DENND10: variants seen among roughly 807,000 people sequenced by gnomAD.
The protein encoded by DENND10 is DENN domain containing 10.
DENND10 carries 24 observed loss-of-function variants against 43.6 expected under a neutral mutation model. The ratio of observed to expected loss-of-function variants is 0.55; its 90% CI spans 0.40 to 0.77. DENND10 has a LOEUF of 0.77. Among genes scored for constraint, DENND10 ranks in the 30% least tolerant of loss-of-function variants. The pLI is 0.00. For missense variants in DENND10, 303 were observed against 429.9 expected (o/e 0.70, Z 2.61); for synonymous variants, 125 against 157.6 (o/e 0.79, Z 1.55).
chr10:119,130,310 G>C (rs188546405), intron 7 of DENND10, among the ~76,000 whole-genome samples: 1 of 152,066 alleles, frequency 6.6e-6, no homozygotes, highest in African/African-American at 2.4e-5. Context: ...ACAGGCACCC[G>C]CCACCGCACC....
chr10:119,110,587 G>T (rs996088744), intron 2 of DENND10, among the ~76,000 whole-genome samples: 2 of 152,072 alleles, frequency 1.3e-5, no homozygotes, highest in Non-Finnish European at 2.9e-5. Context: ...CTCCCGAGTA[G>T]CTGGGATTAT....
intron 4 of DENND10, 62 bp from the exon 5 acceptor site, chr10:119,120,279 A>G: frequency 1.8e-6 from 2 of 1,086,150 alleles, no homozygotes; most frequent in South Asian, 2.8e-5. Context: ...AAAAGAAAAA[A>G]AAATCTTTAT....
intron 3 of DENND10, among the ~76,000 whole-genome samples, chr10:119,112,855 T>C (rs1168665201): frequency 6.6e-6 from 1 of 150,546 alleles, no homozygotes; most frequent in Non-Finnish European, 1.5e-5. Context: ...TTATTTATTA[T>C]GTTTTTTTTT....
rs1846120993 is a variant in DENND10, at chr10:119,132,240, G to A, written c.803-275G>A. Among the ~76,000 whole-genome samples, 1 of 152,196 alleles carries A rather than the reference G, an allele frequency of 6.6e-6. No individual in the cohort carries two copies. The highest frequency in any genetic ancestry group is 2.4e-5 in the African/African-American group (1 of 41,460). ...GAATTGTTCATTATGCTTTGTCTGGGAAGAAAAATAAAAATTTTGGTCAGG... is the reference window on the plus strand; with the variant it reads ...GAATTGTTCATTATGCTTTGTCTGGAAAGAAAAATAAAAATTTTGGTCAGG... On this transcript the variant is annotated intron_variant, in intron 7 of 8. Transcript: ENST00000361432. The surrounding 1 kb of genome is among the most constrained non-coding windows in gnomAD (Gnocchi z 4.2).
At chr10:119,109,866 G>A (rs10886385) in intron 2 of DENND10, among the ~76,000 whole-genome samples, 83,201 of 151,412 alleles carry the variant, frequency 0.55, 23,453 homozygotes, top group Middle Eastern at 0.69. Context: ...AGGCTGGAGT[G>A]CAATGGTGCA....
In DENND10 at chr10:119,137,399, T is replaced by C. The variant is rs1445000470; in HGVS notation, c.*752T>C. 2 of 158,722 alleles carry C rather than the reference T, an allele frequency of 1.3e-5. No individual in the cohort carries two copies. Among genetic ancestry groups the C allele is most frequent in the East Asian group, 2.0e-4 (1 of 5,042 alleles). The allele number at this position is 158,722 out of a possible 1,614,324, so 9.8% of individuals were successfully genotyped here. A position where few individuals can be genotyped will look rare whatever the true frequency, so the allele number is the denominator to read the frequency against. On this transcript the variant is annotated 3_prime_UTR_variant, in exon 9 of 9. Coordinates refer to ENST00000361432, the MANE Select transcript of DENND10 (RefSeq NM_207009.4). ...CTTATGTGATAAACTAAGAAGCCCA[T>C]TGAATATAAAAGTGTGTAGGACTGA... is the stretch of plus-strand genomic sequence containing the variant.
intron 1 of DENND10, 89 bp from the exon 2 acceptor site, chr10:119,107,879 C>A: frequency 8.2e-7 from 1 of 1,225,264 alleles, no homozygotes; most frequent in Non-Finnish European, 1.2e-6. Context: ...GATGTTAAAA[C>A]TGATTCCACT....
At chr10:119,113,379 G>A (rs1845075541) in intron 3 of DENND10, among the ~76,000 whole-genome samples, 1 of 151,320 alleles carries the variant, frequency 6.6e-6, no homozygotes, top group Admixed American at 6.6e-5. Flanking sequence ...TATATATTTT[G>A]TAGAAAGGTG....
At chr10:119,106,693 T>C (rs1275831353) in intron 1 of DENND10, among the ~76,000 whole-genome samples, 1 of 152,190 alleles carries the variant, frequency 6.6e-6, no homozygotes, top group Non-Finnish European at 1.5e-5. Context: ...GTTTGAAATA[T>C]TTCACTATTT....
At chr10:119,122,390 G>C (rs781023874) in intron 5 of DENND10, among the ~76,000 whole-genome samples, 1 of 152,154 alleles carries the variant, frequency 6.6e-6, no homozygotes, top group Admixed American at 6.6e-5. Flanking sequence ...CTACTTACAA[G>C]TTTGTTAAGA....
At position 119,108,015 on chromosome 10, in the gene DENND10, A is replaced by G; in HGVS notation, c.103A>G (p.Thr35Ala). ...TCTGTGGGTGTGGTGTTATCCTTCC[A>G]CGACAGCCACATTAAGGAACCTGCT... The part of the protein sequence containing the change: ...EVLWVWCYPS[T>A]TATLRNLLLR... Residue 35 changes from threonine to alanine, a missense_variant, in exon 2 of 9, where the codon ACG (threonine) becomes GCG (alanine). Thr to Ala is a moderately conservative substitution (Grantham distance 58, BLOSUM62 0). Coordinates refer to ENST00000361432, the MANE Select transcript of DENND10 (RefSeq NM_207009.4). 1 of 1,613,968 alleles carries G rather than the reference A, an allele frequency of 6.2e-7. No homozygotes were observed. The highest frequency in any genetic ancestry group is 8.5e-7 in the Non-Finnish European group (1 of 1,179,860).
chr10:119,129,136 C>A (rs1344966210), intron 6 of DENND10, among the ~76,000 whole-genome samples: 2 of 152,132 alleles, frequency 1.3e-5, no homozygotes, highest in Non-Finnish European at 1.5e-5. Flanking sequence ...GATGCCATTT[C>A]CACTCTGAGA....
rs1392264252 is a variant in DENND10 at position 119,120,324 on chromosome 10, A to G, written c.482-17A>G. The stretch of plus-strand genomic sequence containing the variant: ...TGATGTGTAATGCAGTAACATTACA[A>G]TTTCTCTTTTTTGAAGACATTGTAT... On this transcript the variant is annotated splice_polypyrimidine_tract_variant and intron_variant, in intron 4 of 8. Coordinates refer to ENST00000361432, the MANE Select transcript of DENND10 (RefSeq NM_207009.4). 1 of 1,476,064 alleles carries G rather than the reference A, an allele frequency of 6.8e-7. No individual in the cohort carries two copies. The highest frequency in any genetic ancestry group is 1.4e-5 in the African/African-American group (1 of 72,246). 91.4% of individuals were successfully genotyped at this position (1,476,064 alleles called of 1,614,324 possible).
At position 119,132,077 on chromosome 10, in the gene DENND10, C is replaced by T. The variant is rs975795750; in HGVS notation, c.803-438C>T. On this transcript the variant is annotated intron_variant, in intron 7 of 8. Transcript: ENST00000361432. The surrounding 1 kb of genome is among the most constrained non-coding windows in gnomAD (Gnocchi z 4.2). ...TTTCTAAGAATCTAAACGAATTGAG[C>T]GCCCAGCTGGCTTCTGCAGAACTGA... is the stretch of plus-strand genomic sequence containing the variant. 1.3e-5 allele frequency among the ~76,000 whole-genome samples: 2 copies of T among 152,168 alleles called. No individual in the cohort carries two copies. The highest frequency in any genetic ancestry group is 2.9e-5 in the Non-Finnish European group (2 of 68,026).
rs547162092 is a variant in DENND10 at position 119,104,441 on chromosome 10, C to G, written c.55+244C>G. On this transcript the variant is annotated intron_variant, in intron 1 of 8. Transcript: ENST00000361432. The stretch of plus-strand genomic sequence containing the variant: ...GTGGGGCCTGCCCGGCCCGAGGGAG[C>G]CCGGGGACCTCCAAGATTCCGGGGT... Among the ~76,000 whole-genome samples, 227 of 151,408 alleles carry G rather than the reference C, an allele frequency of 1.5e-3. 2 individuals are homozygous for G. Among genetic ancestry groups the G allele is most frequent in the African/African-American group, 5.3e-3 (221 of 41,474 alleles).
chr10:119,118,505 A>C (rs1317191807), intron 4 of DENND10, among the ~76,000 whole-genome samples: 1 of 152,196 alleles, frequency 6.6e-6, no homozygotes, highest in African/African-American at 2.4e-5. Context: ...GGAACTCTGA[A>C]GGCGAGGCTG....
chr10:119,104,428 C>A (rs1367057676), intron 1 of DENND10, among the ~76,000 whole-genome samples: 1 of 151,350 alleles, frequency 6.6e-6, no homozygotes, highest in Non-Finnish European at 1.5e-5. Context: ...GGGGCCTGCC[C>A]GGCCCGAGGG....
chr10:119,127,589 G>A (rs1845891742), intron 6 of DENND10, among the ~76,000 whole-genome samples: 1 of 151,716 alleles, frequency 6.6e-6, no homozygotes, highest in Non-Finnish European at 1.5e-5. Context: ...AGCAATTCTT[G>A]TGCCTCAGCC....
At chr10:119,108,193 C>T in intron 2 of DENND10, 29 bp downstream of exon 2, 3 of 1,471,688 alleles carry the variant, frequency 2.0e-6, no homozygotes, top group Non-Finnish European at 1.9e-6. Context: ...AAAAAAAAAA[C>T]CCCAAAATAG....
Sources: gnomAD v4.1 joint callset for allele counts (sites outside exome capture counted in the v4.1 genomes callset) on GRCh38, gnomAD v4.1.1 for gene constraint, Gnocchi (gnomAD v3.1) non-coding constraint, MANE v1.5 for transcripts, NCBI Gene and HGNC (gene_info 2026-07-23, HGNC 2026-07-21) for gene names.